WASL: variants seen among roughly 807,000 people sequenced by gnomAD.
WASL encodes the protein actin nucleation-promoting factor WASL.
A neutral mutation model predicts 55.5 loss-of-function variants in WASL; 20 were observed. The ratio of observed to expected loss-of-function variants is 0.36; its 90% CI spans 0.25 to 0.52. WASL has a LOEUF of 0.52. WASL is among the 20% of genes least tolerant of loss of function. WASL has a pLI of 0.92. For synonymous variants in WASL, 249 were observed against 217.6 expected (o/e 1.14, Z -1.27); for missense variants, 504 against 622.5 (o/e 0.81, Z 2.03).
chr7:123,732,588 G>A (rs1381171920), intron 1 of WASL, among the ~76,000 whole-genome samples: 1 of 152,098 alleles, frequency 6.6e-6, no homozygotes, highest in African/African-American at 2.4e-5. Context: ...AAACACCATA[G>A]CAGATGGTTT....
At chr7:123,725,969 G>C (rs897874559) in intron 1 of WASL, among the ~76,000 whole-genome samples, 3 of 152,108 alleles carry the variant, frequency 2.0e-5, no homozygotes, top group African/African-American at 7.2e-5. Flanking sequence ...AGTGTTTTAA[G>C]CAAACATAAG....
intron 1 of WASL, among the ~76,000 whole-genome samples, chr7:123,730,548 T>C (rs989187651): frequency 6.6e-5 from 10 of 151,496 alleles, no homozygotes; most frequent in Non-Finnish European, 1.3e-4. Flanking sequence ...ACTTAAAAAA[T>C]TGTAAACATA....
At chr7:123,726,276 T>C (rs1804037932) in intron 1 of WASL, among the ~76,000 whole-genome samples, 1 of 152,104 alleles carries the variant, frequency 6.6e-6, no homozygotes, top group Non-Finnish European at 1.5e-5. Flanking sequence ...TACCAAATGG[T>C]GCTGTATCAA....
intron 5 of WASL, 61 bp from the exon 6 acceptor site, chr7:123,696,808 T>C (rs888726350): frequency 1.8e-6 from 2 of 1,129,190 alleles, no homozygotes; most frequent in Non-Finnish European, 2.3e-6. Flanking sequence ...TATACAATCA[T>C]AATTTACAAT....
chr7:123,695,868 G>A lies in WASL; in HGVS notation c.630-3C>T, dbSNP rs1195368525. 2.5e-6 allele frequency: 4 copies of A among 1,612,134 alleles called. No homozygotes were observed. Among genetic ancestry groups the A allele is most frequent in the Non-Finnish European group, 3.4e-6 (4 of 1,178,802 alleles). On this transcript the variant is annotated splice_region_variant and splice_polypyrimidine_tract_variant and intron_variant, in intron 6 of 10. Coordinates refer to ENST00000223023, the MANE Select transcript of WASL (RefSeq NM_003941.4). ...CCCAACCAACATGTCCAATGTGCCT[G>A]AAGTAGAAAATAGAAAAAAAATAGA...
At chr7:123,713,058 G>A (rs1297676692) in intron 1 of WASL, among the ~76,000 whole-genome samples, 4 of 152,000 alleles carry the variant, frequency 2.6e-5, no homozygotes, top group African/African-American at 9.7e-5. Flanking sequence ...ATACTAAAAT[G>A]ATTTAATACT....
At chr7:123,708,913 T>C (rs1349476370) in intron 2 of WASL, among the ~76,000 whole-genome samples, 176 bp downstream of exon 2, 1 of 152,038 alleles carries the variant, frequency 6.6e-6, no homozygotes, top group Non-Finnish European at 1.5e-5. Flanking sequence ...TTCAGACATG[T>C]TCCCATTTGG....
intron 8 of WASL, among the ~76,000 whole-genome samples, chr7:123,693,777 C>T (rs765184315): frequency 2.0e-5 from 3 of 152,142 alleles, no homozygotes; most frequent in Non-Finnish European, 4.4e-5. Flanking sequence ...ACCAACCTGG[C>T]TAACATGGAA....
chr7:123,708,877 A>C (rs1213934327), intron 2 of WASL, among the ~76,000 whole-genome samples: 4 of 152,126 alleles, frequency 2.6e-5, no homozygotes, highest in African/African-American at 9.6e-5. Flanking sequence ...GAGAAAGATA[A>C]AATAGGAAAC....
intron 8 of WASL, among the ~76,000 whole-genome samples, chr7:123,693,554 TTAAC>T (rs1562957702): frequency 6.6e-6 from 1 of 152,242 alleles, no homozygotes; most frequent in Admixed American, 6.5e-5. Context: ...TATTAACAAA[TTAAC>T]TGAGAATTTC....
chr7:123,743,173 C>A (rs1804374134), intron 1 of WASL, among the ~76,000 whole-genome samples: 4 of 151,982 alleles, frequency 2.6e-5, no homozygotes, highest in Admixed American at 2.0e-4. Context: ...CCTGTCTGTA[C>A]TAAAAATACA....
At chr7:123,730,383 T>C (rs1241740410) in intron 1 of WASL, among the ~76,000 whole-genome samples, 2 of 152,132 alleles carry the variant, frequency 1.3e-5, no homozygotes, top group Non-Finnish European at 2.9e-5. Context: ...TTATAGCTTT[T>C]AGATAAATAA....
rs185691422 is a variant in WASL at position 123,743,228 on chromosome 7, T to C, written c.117+5390A>G. Among the ~76,000 whole-genome samples the C allele has an allele frequency of 2.5e-3, 384 of 152,012 alleles. 2 individuals carry two copies. Among genetic ancestry groups the C allele is most frequent in the Non-Finnish European group, 2.8e-3 (191 of 67,988 alleles). On this transcript the variant is annotated intron_variant, in intron 1 of 10. Transcript: ENST00000223023. ...GGCACACGCCTGTAGTTCCAGCTAC[T>C]TGGGAGGCTGAGGGAGGAGAATAAC...
At chr7:123,716,467 C>A (rs559596032) in intron 1 of WASL, among the ~76,000 whole-genome samples, 1 of 151,766 alleles carries the variant, frequency 6.6e-6, no homozygotes, top group Non-Finnish European at 1.5e-5. Context: ...ATCTGCTTGA[C>A]GATTGCTTGA....
chr7:123,696,400 G>C (rs1026354290), intron 6 of WASL, among the ~76,000 whole-genome samples, 179 bp downstream of exon 6: 1 of 148,174 alleles, frequency 6.7e-6, no homozygotes, highest in Non-Finnish European at 1.5e-5. Flanking sequence ...AACATCTATT[G>C]AGCAGCTGCC....
Position 123,692,550 on chromosome 7 carries a change from G to A in WASL, c.1144C>T (p.Pro382Ser). The change falls in exon 9 of 11, where the codon CCT becomes TCT. Residue 382 changes from proline (P) to serine (S), a missense_variant. Physicochemically the swap from Pro to Ser is moderately conservative, Grantham distance 74. Transcript: ENST00000223023. ...CCAGGCGGGGGCGGTGGCCCAGGAGGAGGTGGAGGTGGAGGCGGTGGGGGT... is the reference window on the plus strand; with the variant it reads ...CCAGGCGGGGGCGGTGGCCCAGGAGAAGGTGGAGGTGGAGGCGGTGGGGGT... ...APPPPPPPPPPPGPPPPPGLP... is the reference protein window; with the variant it reads ...APPPPPPPPPSPGPPPPPGLP... The A allele has an allele frequency of 6.2e-7, 1 of 1,613,966 alleles. No homozygotes were observed. The highest frequency in any genetic ancestry group is 8.5e-7 in the Non-Finnish European group (1 of 1,179,928).
chr7:123,706,691 G>C (rs1405583120), intron 3 of WASL, 49 bp downstream of exon 3: 6 of 1,283,122 alleles, frequency 4.7e-6, no homozygotes, highest in Non-Finnish European at 6.6e-6. Flanking sequence ...ATTAGAAAAG[G>C]CAAGCAATGA....
At chr7:123,702,926 T>C (rs957416940) in intron 5 of WASL, among the ~76,000 whole-genome samples, 1 of 152,212 alleles carries the variant, frequency 6.6e-6, no homozygotes, top group Non-Finnish European at 1.5e-5. Context: ...AAATATGGGG[T>C]TACTTTCCCC....
At chr7:123,728,844 G>A (rs1328421263) in intron 1 of WASL, among the ~76,000 whole-genome samples, 5 of 152,074 alleles carry the variant, frequency 3.3e-5, no homozygotes, top group African/African-American at 4.8e-5. Context: ...GCTGTTAGTC[G>A]TCTGGAGACT....
Sources: gnomAD v4.1 joint callset for allele counts (sites outside exome capture counted in the v4.1 genomes callset) on GRCh38, gnomAD v4.1.1 for gene constraint, MANE v1.5 for transcripts, NCBI Gene and HGNC (gene_info 2026-07-23, HGNC 2026-07-21) for gene names.